Variants in ETV6 observed in about 807,000 individuals in gnomAD.
The protein encoded by ETV6 is ETS variant transcription factor 6, also known as transcription factor ETV6.
Under a neutral mutation model 51.1 loss-of-function variants are expected in ETV6, and 16 were observed. The ratio of observed to expected loss-of-function variants is 0.31; its 90% CI spans 0.21 to 0.48. The LOEUF (loss-of-function observed/expected upper bound fraction) is 0.48, where lower values mean the gene tolerates loss of function less well. ETV6 is among the 20% of genes least tolerant of loss of function. The pLI is 0.99. For synonymous variants in ETV6, 240 were observed against 224.1 expected (o/e 1.07, Z -0.64); for missense variants, 458 against 594.8 (o/e 0.77, Z 2.39).
intron 5 of ETV6, among the ~76,000 whole-genome samples, chr12:11,882,715 C>T (rs2710310): frequency 0.21 from 32,300 of 152,130 alleles, 3,509 homozygotes; most frequent in East Asian, 0.29. Flanking sequence ...AGTGAGGCAA[C>T]AGAACCTCAG....
At chr12:11,728,489 G>C (rs1252374432) in intron 1 of ETV6, among the ~76,000 whole-genome samples, 2 of 152,154 alleles carry the variant, frequency 1.3e-5, no homozygotes, top group African/African-American at 4.8e-5. Context: ...AGGGATCTAG[G>C]TTGTGTGCTT....
At chr12:11,727,786 A>C (rs1281793910) in intron 1 of ETV6, among the ~76,000 whole-genome samples, 1 of 152,124 alleles carries the variant, frequency 6.6e-6, no homozygotes, top group Non-Finnish European at 1.5e-5. Context: ...CCCGCGGAGA[A>C]AGTAGCTCCT....
chr12:11,723,112 T>C (rs1014285604), intron 1 of ETV6, among the ~76,000 whole-genome samples: 12 of 152,218 alleles, frequency 7.9e-5, no homozygotes, highest in African/African-American at 2.9e-4. Context: ...GTTTACAGAA[T>C]CTCTTTGTAC....
intron 1 of ETV6, among the ~76,000 whole-genome samples, chr12:11,738,197 G>GCTTT (rs1023768672): frequency 1.3e-5 from 2 of 149,962 alleles, no homozygotes; most frequent in African/African-American, 4.9e-5. Context: ...TTGCTTGCTT[G>GCTTT]CTTTCTCCTT....
chr12:11,772,673 A>G (rs1437813062), intron 2 of ETV6, among the ~76,000 whole-genome samples: 1 of 152,210 alleles, frequency 6.6e-6, no homozygotes, highest in East Asian at 1.9e-4. Context: ...GTTCTCTTCC[A>G]CCACCAAGTC....
chr12:11,812,112 T>C (rs1945922638), intron 2 of ETV6, among the ~76,000 whole-genome samples: 1 of 152,182 alleles, frequency 6.6e-6, no homozygotes, highest in Admixed American at 6.5e-5. Flanking sequence ...TGTAATAAGA[T>C]ATTTATTAGG....
In ETV6 at chr12:11,816,508, A is replaced by G. The variant is rs1273004627; in HGVS notation, c.164-22632A>G. Among the ~76,000 whole-genome samples, 3 of 152,312 alleles carry G rather than the reference A, an allele frequency of 2.0e-5. No homozygotes were observed. The East Asian group carries it at 5.8e-4, about 29-fold the overall frequency. On this transcript the variant is annotated intron_variant, in intron 2 of 7. Transcript: ENST00000396373. ...TGATCCACCCGCCTCGGCCTCCCAA[A>G]GTGCTGGGATTACAGGTGTGAGCCA...
chr12:11,762,346 T>A (rs1239313909), intron 2 of ETV6, among the ~76,000 whole-genome samples: 1 of 152,198 alleles, frequency 6.6e-6, no homozygotes, highest in Non-Finnish European at 1.5e-5. Flanking sequence ...ACCCCAACTG[T>A]GTGATTAGCG....
chr12:11,667,758 A>G (rs1864223313), intron 1 of ETV6, among the ~76,000 whole-genome samples: 1 of 125,830 alleles, frequency 7.9e-6, no homozygotes, highest in Non-Finnish European at 1.6e-5. Context: ...GCTGGAGTGT[A>G]GTGGCATGGT....
intron 5 of ETV6, among the ~76,000 whole-genome samples, chr12:11,882,050 G>A (rs1947105175): frequency 6.6e-6 from 1 of 152,168 alleles, no homozygotes; most frequent in African/African-American, 2.4e-5. Flanking sequence ...TCAAAGTCCA[G>A]GACTATGGTG....
At chr12:11,693,662 A>G (rs755717030) in intron 1 of ETV6, among the ~76,000 whole-genome samples, 57 of 152,172 alleles carry the variant, frequency 3.7e-4, no homozygotes, top group Non-Finnish European at 4.6e-4. Flanking sequence ...TCACAGGGGT[A>G]GCAACAGTAT....
chr12:11,770,768 C>G (rs1298425904), intron 2 of ETV6, among the ~76,000 whole-genome samples: 3 of 152,154 alleles, frequency 2.0e-5, no homozygotes, highest in African/African-American at 7.2e-5. Flanking sequence ...TAAGTAACAG[C>G]ACGTGCCTGT....
chr12:11,665,927 CTGGATG>C (rs1864185803), intron 1 of ETV6, among the ~76,000 whole-genome samples: 1 of 152,204 alleles, frequency 6.6e-6, no homozygotes, highest in South Asian at 2.1e-4. Flanking sequence ...AACCTTCAGG[CTGGATG>C]TGCCAGAAAC....
chr12:11,804,130 CT>C (rs1161320402), intron 2 of ETV6, among the ~76,000 whole-genome samples: 1 of 152,168 alleles, frequency 6.6e-6, no homozygotes, highest in African/African-American at 2.4e-5. Context: ...ACTGCATACT[CT>C]GAAGTGCTGG....
chr12:11,812,125 T>C (rs1401529182), intron 2 of ETV6, among the ~76,000 whole-genome samples: 1 of 152,164 alleles, frequency 6.6e-6, no homozygotes, highest in Admixed American at 6.5e-5. Flanking sequence ...TTATTAGGAG[T>C]CTTCTTGCAC....
At chr12:11,728,003 A>G (rs1383780982) in intron 1 of ETV6, among the ~76,000 whole-genome samples, 1 of 152,164 alleles carries the variant, frequency 6.6e-6, no homozygotes, top group East Asian at 1.9e-4. Flanking sequence ...AAATTTTAGT[A>G]GAGACGGGGT....
chr12:11,784,862 ATTTTTTTTTT>A (rs34004409), intron 2 of ETV6, among the ~76,000 whole-genome samples: 2 of 85,788 alleles, frequency 2.3e-5, no homozygotes, highest in African/African-American at 9.5e-5. Context: ...TGCCTTGCTA[ATTTTTTTTTT>A]TTTTTTTTTT....
intron 3 of ETV6, among the ~76,000 whole-genome samples, chr12:11,842,129 T>C (rs536167107): frequency 6.7e-6 from 1 of 150,300 alleles, no homozygotes; most frequent in Non-Finnish European, 1.5e-5. Flanking sequence ...CTGGTGTACA[T>C]GGAAGAGGAA....
intron 1 of ETV6, among the ~76,000 whole-genome samples, chr12:11,734,432 C>T (rs1865663109): frequency 6.6e-6 from 1 of 151,260 alleles, no homozygotes; most frequent in Admixed American, 6.6e-5. Flanking sequence ...CATGACGAAA[C>T]CTCGTCTCTA....
Sources: allele counts gnomAD v4.1 joint callset (sites outside exome capture counted in the v4.1 genomes callset), GRCh38; gene constraint gnomAD v4.1.1; transcripts MANE v1.5; gene names NCBI Gene and HGNC (gene_info 2026-07-23, HGNC 2026-07-21).